IMMP2L: variants seen among roughly 807,000 people sequenced by gnomAD.
IMMP2L encodes the protein inner mitochondrial membrane peptidase subunit 2, also known as mitochondrial inner membrane protease subunit 2.
IMMP2L carries 18 observed loss-of-function variants against 19.3 expected under a neutral mutation model. The observed-to-expected ratio is 0.93, with a 90% CI of 0.64 to 1.38. The LOEUF (loss-of-function observed/expected upper bound fraction) is 1.38. Ranked by LOEUF, IMMP2L falls within the 40% of genes most tolerant of loss-of-function variation. IMMP2L has a pLI of 0.00. For missense variants in IMMP2L, 233 were observed against 218.2 expected, an observed-to-expected ratio of 1.07 and a Z score of -0.43; for synonymous variants, 76 against 73.0, an observed-to-expected ratio of 1.04 and a Z score of -0.21.
intron 3 of IMMP2L, among the ~76,000 whole-genome samples, chr7:111,019,725 T>A (rs940703878): frequency 3.3e-5 from 5 of 152,128 alleles, no homozygotes; most frequent in Non-Finnish European, 1.5e-5. Context: ...CAGCAGCTAA[T>A]GCCAGTGCCT....
At position 111,231,725 on chromosome 7, in the gene IMMP2L, T is replaced by C. The variant is rs538866097; in HGVS notation, c.239+255513A>G. On this transcript the variant is annotated intron_variant, in intron 3 of 5. Coordinates refer to ENST00000405709, the MANE Select transcript of IMMP2L (RefSeq NM_032549.4). ...TGAAAGTGAATGAATAAATGATGAC[T>C]GAGTACTGAAGTAACATAAAGTCAG... Among the ~76,000 whole-genome samples the C allele has an allele frequency of 4.6e-5, 7 of 152,142 alleles. No homozygotes were observed. In the East Asian group the frequency reaches 1.4e-3, roughly 29 times the overall value.
intron 3 of IMMP2L, among the ~76,000 whole-genome samples, chr7:110,979,512 G>A (rs964952668): frequency 6.6e-6 from 1 of 152,032 alleles, no homozygotes; most frequent in Non-Finnish European, 1.5e-5. Context: ...TAGGACCAAT[G>A]CAAATCAGAA....
At chr7:110,997,579 CATT>C (rs1563145475) in intron 3 of IMMP2L, among the ~76,000 whole-genome samples, 1 of 152,078 alleles carries the variant, frequency 6.6e-6, no homozygotes, top group African/African-American at 2.4e-5. Context: ...AGTGATATCT[CATT>C]GTTTTTAATT....
At position 111,465,236 on chromosome 7, in the gene IMMP2L, G is replaced by A. The variant is rs141717986; in HGVS notation, c.239+22002C>T. On this transcript the variant is annotated intron_variant, in intron 3 of 5. Coordinates refer to ENST00000405709, the MANE Select transcript of IMMP2L (RefSeq NM_032549.4). The stretch of plus-strand genomic sequence containing the variant: ...GTCCTCAAGTGTTTTATTTGCTTAC[G>A]ACGTATTTTTGATAATTCTGCTCTC... 2.1e-3 allele frequency among the ~76,000 whole-genome samples: 326 copies of A among 152,074 alleles called. 4 individuals carry two copies. The highest frequency in any genetic ancestry group is 7.2e-3 in the African/African-American group (300 of 41,498).
At chr7:111,017,733 T>G (rs1825854512) in intron 3 of IMMP2L, among the ~76,000 whole-genome samples, 1 of 152,094 alleles carries the variant, frequency 6.6e-6, no homozygotes, top group East Asian at 1.9e-4. Context: ...GAAACCCAGC[T>G]AAGGGCCCAG....
At chr7:110,669,025 GTA>G (rs56249497) in intron 5 of IMMP2L, among the ~76,000 whole-genome samples, 106,756 of 138,756 alleles carry the variant, frequency 0.77, 44,749 homozygotes, top group Non-Finnish European at 0.91. Flanking sequence ...TGAACCAACA[GTA>G]TGTGTGTGTG....
chr7:110,696,380 C>T (rs1013552048), intron 5 of IMMP2L, among the ~76,000 whole-genome samples: 8 of 150,776 alleles, frequency 5.3e-5, no homozygotes, highest in Non-Finnish European at 1.0e-4. Context: ...CTCAGTATTC[C>T]AGGTAAGAGG....
At chr7:110,883,653 A>G (rs551630625) in intron 5 of IMMP2L, among the ~76,000 whole-genome samples, 20 of 152,282 alleles carry the variant, frequency 1.3e-4, no homozygotes, top group African/African-American at 4.1e-4. Context: ...TACATCTTAG[A>G]AAGGTTATGT....
chr7:111,548,077 T>C (rs779140692), intron 1 of IMMP2L, among the ~76,000 whole-genome samples: 1 of 152,114 alleles, frequency 6.6e-6, no homozygotes, highest in Non-Finnish European at 1.5e-5. Flanking sequence ...TGAGATGTTA[T>C]GACCATTGAA....
At chr7:110,805,826 T>C (rs1801593541) in intron 5 of IMMP2L, among the ~76,000 whole-genome samples, 1 of 152,010 alleles carries the variant, frequency 6.6e-6, no homozygotes, top group Non-Finnish European at 1.5e-5. Flanking sequence ...TAGAGATATT[T>C]TGAAACTTTT....
At chr7:111,186,887 T>C (rs372197859) in intron 3 of IMMP2L, among the ~76,000 whole-genome samples, 2 of 152,088 alleles carry the variant, frequency 1.3e-5, no homozygotes, top group Admixed American at 1.3e-4. Context: ...ACATTTACTT[T>C]TGAAAACTGT....
intron 3 of IMMP2L, among the ~76,000 whole-genome samples, chr7:111,074,053 TCTG>T (rs1795179175): frequency 6.6e-6 from 1 of 152,224 alleles, no homozygotes. Flanking sequence ...CTTGCTGGAC[TCTG>T]CTTTGTTACC....
At chr7:111,097,096 C>A (rs1195650348) in intron 3 of IMMP2L, 1 of 151,756 alleles carries the variant, frequency 6.6e-6, no homozygotes, top group Non-Finnish European at 1.5e-5. Flanking sequence ...CCACTTTTTG[C>A]ATGTTTGCAT....
chr7:110,663,778 T>A, intron 5 of IMMP2L, 57 bp from the exon 6 acceptor site: 3 of 1,219,168 alleles, frequency 2.5e-6, no homozygotes, highest in Non-Finnish European at 3.4e-6. Context: ...TAAGAATCAT[T>A]ATTAATAGCT....
intron 3 of IMMP2L, among the ~76,000 whole-genome samples, chr7:111,327,204 A>G (rs1006855401): frequency 6.6e-6 from 1 of 151,794 alleles, no homozygotes. Flanking sequence ...ATAAAGGCAA[A>G]AAGGGAATGG....
rs1675851243 is a variant in IMMP2L, at chr7:111,501,383, A to T, written c.136-14042T>A. Reference sequence around the variant, plus strand: ...GAAAGTGACGGGGAGAATGGAACCAACTTGGAAAACACTCTGCAGGATATT... The same window carrying T: ...GAAAGTGACGGGGAGAATGGAACCATCTTGGAAAACACTCTGCAGGATATT... On this transcript the variant is annotated intron_variant, in intron 2 of 5. Transcript: ENST00000405709. 2.6e-5 allele frequency among the ~76,000 whole-genome samples: 4 copies of T among 152,316 alleles called. No homozygotes were observed. In the South Asian group the frequency reaches 8.3e-4, roughly 32 times the overall value.
intron 5 of IMMP2L, among the ~76,000 whole-genome samples, chr7:110,736,891 G>C (rs1359196679): frequency 2.0e-5 from 3 of 152,154 alleles, no homozygotes; most frequent in Non-Finnish European, 4.4e-5. Context: ...TTCTGAGTTG[G>C]TGCTGAAATA....
At chr7:110,939,946 A>T (rs952669160) in intron 4 of IMMP2L, among the ~76,000 whole-genome samples, 6 of 152,236 alleles carry the variant, frequency 3.9e-5, no homozygotes, top group Admixed American at 3.9e-4. Context: ...GTAGTACTAC[A>T]TTACTACACC....
At chr7:111,144,578 T>C (rs980198059) in intron 3 of IMMP2L, among the ~76,000 whole-genome samples, 1 of 152,108 alleles carries the variant, frequency 6.6e-6, no homozygotes, top group Admixed American at 6.6e-5. Flanking sequence ...CCTTTCTTAC[T>C]ATCCAAAATA....
Sources: allele counts gnomAD v4.1 joint callset (sites outside exome capture counted in the v4.1 genomes callset), GRCh38; gene constraint gnomAD v4.1.1; transcripts MANE v1.5; gene names NCBI Gene and HGNC (gene_info 2026-07-23, HGNC 2026-07-21).